RHOBTB1: variants seen among roughly 807,000 people sequenced by gnomAD.
RHOBTB1 encodes the protein Rho related BTB domain containing 1.
A neutral mutation model predicts 71.6 loss-of-function variants in RHOBTB1; 40 were observed. That is an observed-to-expected ratio of 0.56 (90% CI 0.43 to 0.73). The LOEUF (loss-of-function observed/expected upper bound fraction) is 0.73. Ranked by LOEUF, RHOBTB1 falls within the 30% of genes least tolerant of loss-of-function variation. The probability of loss-of-function intolerance (pLI) is 0.00; values close to 1 mark genes in which losing one functional copy is unlikely to be tolerated. For synonymous variants in RHOBTB1, 319 were observed against 334.9 expected, an observed-to-expected ratio of 0.95 and a Z score of 0.52; for missense variants, 797 against 894.0, an observed-to-expected ratio of 0.89 and a Z score of 1.38.
intron 2 of RHOBTB1, among the ~76,000 whole-genome samples, chr10:60,971,027 A>G (rs2086137502): frequency 6.6e-6 from 1 of 152,040 alleles, no homozygotes; most frequent in African/African-American, 2.4e-5. Context: ...TTTGCCACAG[A>G]TTAGCTCAGG....
chr10:60,986,404 GATATAT>G (rs34154360), intron 1 of RHOBTB1, among the ~76,000 whole-genome samples: 2,385 of 67,640 alleles, frequency 0.035, 84 homozygotes, highest in African/African-American at 0.09. Flanking sequence ...ATAAATAAAA[GATATAT>G]ATATATATAT....
At chr10:60,919,148 T>A (rs568208213) in intron 2 of RHOBTB1, among the ~76,000 whole-genome samples, 2 of 152,112 alleles carry the variant, frequency 1.3e-5, no homozygotes, top group South Asian at 4.1e-4. Context: ...ATTTAGCTGT[T>A]CACAGACAGT....
At chr10:60,890,324 C>A (rs2081854872) in intron 5 of RHOBTB1, among the ~76,000 whole-genome samples, 1 of 152,078 alleles carries the variant, frequency 6.6e-6, no homozygotes, top group Non-Finnish European at 1.5e-5. Flanking sequence ...AGTCCACAGT[C>A]CTCACTGCTG....
intron 2 of RHOBTB1, among the ~76,000 whole-genome samples, chr10:60,957,999 C>T (rs2085652867): frequency 6.6e-6 from 1 of 152,190 alleles, no homozygotes; most frequent in Non-Finnish European, 1.5e-5. Context: ...TGAGCAGACA[C>T]CACTTGTGAG....
chr10:60,957,008 GA>G, intron 2 of RHOBTB1, among the ~76,000 whole-genome samples: 1 of 152,258 alleles, frequency 6.6e-6, no homozygotes, highest in South Asian at 2.1e-4. Context: ...CATGATTGAT[GA>G]AGTATTTTTC....
chr10:60,956,932 G>A (rs1409631339), intron 2 of RHOBTB1, among the ~76,000 whole-genome samples: 1 of 152,152 alleles, frequency 6.6e-6, no homozygotes, highest in Non-Finnish European at 1.5e-5. Flanking sequence ...ACCCATATGT[G>A]CATCAAACTT....
At chr10:60,935,955 C>T (rs1483015710) in intron 2 of RHOBTB1, among the ~76,000 whole-genome samples, 1 of 152,146 alleles carries the variant, frequency 6.6e-6, no homozygotes, top group Non-Finnish European at 1.5e-5. Flanking sequence ...GCAGCCACTA[C>T]CAATCAGTGC....
intron 2 of RHOBTB1, among the ~76,000 whole-genome samples, chr10:60,916,603 A>G (rs1359156458): frequency 6.6e-6 from 1 of 152,186 alleles, no homozygotes; most frequent in Non-Finnish European, 1.5e-5. Flanking sequence ...TCCCTTTTGA[A>G]TGGATGATCT....
chr10:60,903,571 C>T (rs544852217), intron 4 of RHOBTB1, among the ~76,000 whole-genome samples: 16 of 152,264 alleles, frequency 1.1e-4, no homozygotes, highest in Middle Eastern at 6.8e-3. Flanking sequence ...TTTCACAGAA[C>T]GTGGTGTTCT....
chr10:60,871,349 G>A lies in RHOBTB1; in HGVS notation c.*133C>T. 1.2e-6 allele frequency: 1 copy of A among 808,154 alleles called. No homozygotes were observed. Among genetic ancestry groups the A allele is most frequent in the Admixed American group, 2.8e-5 (1 of 35,554 alleles). 50.1% of individuals were successfully genotyped at this position (808,154 alleles called of 1,614,324 possible). On this transcript the variant is annotated 3_prime_UTR_variant, in exon 11 of 11. Transcript: ENST00000337910. ...TCCTAACAAAGATAAATGCACAAAA[G>A]TGGAGGAAGATCAGTGCCCGAAACC...
At chr10:60,951,188 C>T (rs2085396861) in intron 2 of RHOBTB1, among the ~76,000 whole-genome samples, 1 of 152,122 alleles carries the variant, frequency 6.6e-6, no homozygotes, top group African/African-American at 2.4e-5. Context: ...GTGTATAGTA[C>T]ACTAACTTGT....
chr10:60,940,493 G>A (rs113244256), intron 2 of RHOBTB1, among the ~76,000 whole-genome samples: 240 of 152,228 alleles, frequency 1.6e-3, no homozygotes, highest in Non-Finnish European at 1.3e-3. Context: ...ATCCATCTAC[G>A]TGGTGCCTTT....
intron 1 of RHOBTB1, among the ~76,000 whole-genome samples, chr10:60,943,227 A>G (rs745371632): frequency 6.6e-6 from 1 of 152,230 alleles, no homozygotes; most frequent in Non-Finnish European, 1.5e-5. Flanking sequence ...AAATATTGAC[A>G]TCGCTCCTCA....
chr10:60,993,987 T>C (rs981114473), intron 1 of RHOBTB1, among the ~76,000 whole-genome samples: 3 of 152,126 alleles, frequency 2.0e-5, no homozygotes, highest in African/African-American at 4.8e-5. Context: ...TTAAATTATA[T>C]GCAAAAAATT....
intron 4 of RHOBTB1, among the ~76,000 whole-genome samples, chr10:60,903,363 C>A (rs1289801143): frequency 6.6e-6 from 1 of 152,066 alleles, no homozygotes; most frequent in East Asian, 1.9e-4. Context: ...GAGTCTCATG[C>A]CCATGAGTCT....
chr10:60,924,482 A>G (rs73266013), intron 2 of RHOBTB1, among the ~76,000 whole-genome samples: 1,856 of 152,308 alleles, frequency 0.012, 42 homozygotes, highest in African/African-American at 0.042. Context: ...TCGAGCATCC[A>G]GATATATAAG....
At chr10:60,906,437 A>G (rs997552447) in intron 4 of RHOBTB1, among the ~76,000 whole-genome samples, 4 of 152,244 alleles carry the variant, frequency 2.6e-5, no homozygotes, top group Non-Finnish European at 5.9e-5. Context: ...TTCAGAATGT[A>G]CCAGGAGGAA....
intron 2 of RHOBTB1, among the ~76,000 whole-genome samples, chr10:60,933,061 CT>C (rs1291236974): frequency 1.3e-5 from 2 of 152,284 alleles, no homozygotes; most frequent in East Asian, 3.9e-4. Flanking sequence ...AAACAAGAAA[CT>C]TTTTTCAGGT....
the RHOBTB1 span, among the ~76,000 whole-genome samples, chr10:60,863,907 T>C: frequency 3.9e-5 from 6 of 152,008 alleles, no homozygotes; most frequent in African/African-American, 7.3e-5. Context: ...AGAGTCCACA[T>C]TGGAGACTCC....
Sources: allele counts gnomAD v4.1 joint callset (sites outside exome capture counted in the v4.1 genomes callset), GRCh38; gene constraint gnomAD v4.1.1; transcripts MANE v1.5; gene names NCBI Gene and HGNC (gene_info 2026-07-23, HGNC 2026-07-21).